The following CACNB2 variants were observed in gnomAD, a reference collection of about 807,000 sequenced individuals.
The protein encoded by CACNB2 is calcium voltage-gated channel auxiliary subunit beta 2.
A neutral mutation model predicts 73.3 loss-of-function variants in CACNB2; 42 were observed. The observed-to-expected ratio is 0.57, with a 90% CI of 0.45 to 0.74. CACNB2 has a LOEUF of 0.74. CACNB2 is among the 30% of genes least tolerant of loss of function. CACNB2 has a pLI of 0.00. For synonymous variants in CACNB2, 348 were observed against 310.3 expected, an observed-to-expected ratio of 1.12 and a Z score of -1.28; for missense variants, 940 against 853.0, an observed-to-expected ratio of 1.10 and a Z score of -1.27.
chr10:18,465,703 A>G (rs1435646615), intron 3 of CACNB2, among the ~76,000 whole-genome samples: 1 of 146,944 alleles, frequency 6.8e-6, no homozygotes, highest in Non-Finnish European at 1.5e-5. Context: ...TTTTTTCAAG[A>G]TGGCCTCTCC....
chr10:18,425,222 A>G (rs139349113), intron 3 of CACNB2, among the ~76,000 whole-genome samples: 294 of 151,600 alleles, frequency 1.9e-3, no homozygotes, highest in African/African-American at 6.8e-3. Context: ...TCTATATTTT[A>G]TATGTCATTA....
chr10:18,536,243 C>CTTTTCTTTTCTTT (rs1327787339), intron 12 of CACNB2, 47 bp downstream of exon 12: 1 of 248,580 alleles, frequency 4.0e-6, no homozygotes, highest in African/African-American at 6.8e-5. Flanking sequence ...GAGATCAGAC[C>CTTTTCTTTTCTTT]TTTTTTTTTT....
chr10:18,371,429 T>A (rs926994081), intron 2 of CACNB2, among the ~76,000 whole-genome samples: 1 of 152,172 alleles, frequency 6.6e-6, no homozygotes, highest in Non-Finnish European at 1.5e-5. Flanking sequence ...CATTGTTCAA[T>A]TCCCACCTAT....
intron 2 of CACNB2, among the ~76,000 whole-genome samples, chr10:18,397,809 G>A (rs569644378): frequency 6.6e-6 from 1 of 151,696 alleles, no homozygotes; most frequent in Non-Finnish European, 1.5e-5. Context: ...ATTTTCCTAT[G>A]AGCAATGAAC....
chr10:18,415,139 G>A (rs1041133001), intron 3 of CACNB2, among the ~76,000 whole-genome samples: 9 of 152,146 alleles, frequency 5.9e-5, no homozygotes, highest in Non-Finnish European at 1.0e-4. Flanking sequence ...CTAAAAATGT[G>A]TATCACTGAG....
At chr10:18,449,842 T>A (rs1161972987) in intron 3 of CACNB2, among the ~76,000 whole-genome samples, 1 of 152,168 alleles carries the variant, frequency 6.6e-6, no homozygotes, top group Non-Finnish European at 1.5e-5. Flanking sequence ...TGATTGAGGA[T>A]GCAGGCCAGT....
At chr10:18,348,144 C>T (rs1463580810) in intron 2 of CACNB2, among the ~76,000 whole-genome samples, 2 of 152,180 alleles carry the variant, frequency 1.3e-5, no homozygotes, top group African/African-American at 4.8e-5. Flanking sequence ...ACGAAATTGC[C>T]ACTTACTTGG....
At chr10:18,157,114 C>T (rs2032112429) in intron 2 of CACNB2, among the ~76,000 whole-genome samples, 1 of 150,214 alleles carries the variant, frequency 6.7e-6, no homozygotes, top group South Asian at 2.1e-4. Context: ...TTTTAAATGT[C>T]ATTCTTTTAG....
At chr10:18,321,829 T>G (rs916858124) in intron 2 of CACNB2, among the ~76,000 whole-genome samples, 1 of 152,106 alleles carries the variant, frequency 6.6e-6, no homozygotes, top group African/African-American at 2.4e-5. Context: ...TTTTGAATTG[T>G]TTTTGGGATT....
intron 2 of CACNB2, among the ~76,000 whole-genome samples, chr10:18,358,243 C>T (rs557525660): frequency 4.6e-5 from 7 of 152,222 alleles, no homozygotes; most frequent in East Asian, 1.9e-4. Flanking sequence ...CGCGCTACCA[C>T]GCCTGGCTAT....
intron 2 of CACNB2, among the ~76,000 whole-genome samples, chr10:18,310,403 C>G (rs1241897427): frequency 6.6e-6 from 1 of 150,732 alleles, no homozygotes; most frequent in African/African-American, 2.4e-5. Flanking sequence ...GTTGGGAGTT[C>G]GAGACCAGCC....
At chr10:18,459,788 C>T (rs1279727078) in intron 3 of CACNB2, among the ~76,000 whole-genome samples, 3 of 152,104 alleles carry the variant, frequency 2.0e-5, no homozygotes, top group African/African-American at 4.8e-5. Flanking sequence ...GGGTGGATCA[C>T]CTGAGGTCAG....
At chr10:18,312,782 T>C (rs1356691095) in intron 2 of CACNB2, among the ~76,000 whole-genome samples, 3 of 152,232 alleles carry the variant, frequency 2.0e-5, no homozygotes, top group Non-Finnish European at 4.4e-5. Context: ...GCCTGTATTT[T>C]TTAACACTTA....
chr10:18,518,969 G>T lies in CACNB2; in HGVS notation c.944+1G>T. The stretch of plus-strand genomic sequence containing the variant: ...TTTTAAAACACAGATTTGAAGGGCG[G>T]TGAGTATTTCAGCATACTGGGTTTT... On this transcript the variant is annotated splice_donor_variant, in intron 9 of 13. Coordinates refer to ENST00000324631, the MANE Select transcript of CACNB2 (RefSeq NM_201596.3). LOFTEE classifies it high-confidence loss of function. 6.2e-7 allele frequency: 1 copy of T among 1,613,538 alleles called. No homozygotes were observed. Among genetic ancestry groups the T allele is most frequent in the Non-Finnish European group, 8.5e-7 (1 of 1,179,518 alleles).
intron 2 of CACNB2, among the ~76,000 whole-genome samples, chr10:18,188,471 C>T (rs1373910130): frequency 6.6e-6 from 1 of 152,058 alleles, no homozygotes; most frequent in Non-Finnish European, 1.5e-5. Flanking sequence ...TGCCAACATG[C>T]CTGGCTATTT....
chr10:18,531,119 G>A (rs1224112712), intron 10 of CACNB2, among the ~76,000 whole-genome samples: 1 of 152,170 alleles, frequency 6.6e-6, no homozygotes, highest in Non-Finnish European at 1.5e-5. Context: ...GCTACCTCCA[G>A]GTCTTATTAA....
At chr10:18,481,230 ATTTTTTTTTTTTTTT>A (rs1183940542) in intron 3 of CACNB2, among the ~76,000 whole-genome samples, 3 of 17,986 alleles carry the variant, frequency 1.7e-4, no homozygotes, top group South Asian at 3.0e-3. Context: ...ATATATATAT[ATTTTTTTTTTTTTTT>A]TTTTTTTTTT....
chr10:18,251,952 G>A (rs2037109173), intron 2 of CACNB2, among the ~76,000 whole-genome samples: 1 of 152,156 alleles, frequency 6.6e-6, no homozygotes, highest in South Asian at 2.1e-4. Context: ...GGGACACAGA[G>A]CCAAACCATA....
chr10:18,454,044 C>T (rs1188199085), intron 3 of CACNB2, among the ~76,000 whole-genome samples: 2 of 152,180 alleles, frequency 1.3e-5, no homozygotes, highest in Non-Finnish European at 2.9e-5. Flanking sequence ...GCCTTTCCCA[C>T]AATAGGTATT....
Sources: allele counts gnomAD v4.1 joint callset (sites outside exome capture counted in the v4.1 genomes callset), GRCh38; gene constraint gnomAD v4.1.1; transcripts MANE v1.5; gene names NCBI Gene and HGNC (gene_info 2026-07-23, HGNC 2026-07-21).